Variants in CACNA1B observed in about 807,000 individuals in gnomAD.
CACNA1B encodes the protein voltage-dependent N-type calcium channel subunit alpha-1B.
A neutral mutation model predicts 247.2 loss-of-function variants in CACNA1B; 70 were observed. The ratio of observed to expected loss-of-function variants is 0.28; its 90% CI spans 0.23 to 0.35. The LOEUF is 0.35. CACNA1B is among the 10% of genes least tolerant of loss of function. The probability of loss-of-function intolerance (pLI) is 1.00; values close to 1 mark genes in which losing one functional copy is unlikely to be tolerated. For missense variants in CACNA1B, 2,367 were observed against 3,197.4 expected (o/e 0.74, Z 6.26); for synonymous variants, 1,231 against 1,294.4 (o/e 0.95, Z 1.05).
Position 138,071,429 on chromosome 9 carries a change from C to T in CACNA1B, c.4674+1666C>T, listed in dbSNP as rs149367753. 1.7e-3 allele frequency among the ~76,000 whole-genome samples: 260 copies of T among 152,280 alleles called. 1 individual carries two copies. The highest frequency in any genetic ancestry group is 5.4e-3 in the African/African-American group (223 of 41,550). On this transcript the variant is annotated intron_variant, in intron 32 of 46. Coordinates refer to ENST00000371372, the MANE Select transcript of CACNA1B (RefSeq NM_000718.4). ...GTGATGGTGCAGGTGCACGGCGTGG[C>T]GCTGCGTGTGCTTCTGTCCCTTGCT...
intron 15 of CACNA1B, among the ~76,000 whole-genome samples, chr9:137,999,167 T>C (rs1435327538): frequency 6.6e-6 from 1 of 151,748 alleles, no homozygotes; most frequent in Non-Finnish European, 1.5e-5. Flanking sequence ...AAATACAAAA[T>C]TTAGCCAGGT....
intron 32 of CACNA1B, among the ~76,000 whole-genome samples, chr9:138,071,537 G>A (rs1316652789): frequency 6.6e-6 from 1 of 152,206 alleles, no homozygotes; most frequent in Non-Finnish European, 1.5e-5. Flanking sequence ...TGTCTTCACA[G>A]CTCTCCAGGG....
At chr9:138,003,231 C>T (rs1341358977) in intron 15 of CACNA1B, among the ~76,000 whole-genome samples, 1 of 149,808 alleles carries the variant, frequency 6.7e-6, no homozygotes, top group Admixed American at 6.6e-5. Context: ...ATTGCCAAGG[C>T]TGGAGTACAG....
At chr9:137,911,190 T>TA (rs1957355883) in intron 3 of CACNA1B, among the ~76,000 whole-genome samples, 3 of 152,168 alleles carry the variant, frequency 2.0e-5, no homozygotes, top group African/African-American at 4.8e-5. Context: ...TTCTGGGTTA[T>TA]TATTCTATTC....
chr9:137,971,695 C>T lies in CACNA1B; in HGVS notation c.1543+103C>T. 2.1e-6 allele frequency: 2 copies of T among 951,360 alleles called. No individual in the cohort carries two copies. Among genetic ancestry groups the T allele is most frequent in the Non-Finnish European group, 1.6e-6 (1 of 624,000 alleles). 58.9% of individuals were successfully genotyped at this position (951,360 alleles called of 1,614,324 possible). A position where few individuals can be genotyped will look rare whatever the true frequency, so the allele number is the denominator to read the frequency against. On this transcript the variant is annotated intron_variant, in intron 11 of 46. Transcript: ENST00000371372. This position sits in a 1 kb window ranked among gnomAD's most constrained non-coding sequence, Gnocchi z 4.4. ...GGGCTACCCCAGGTGGGACGGGACC[C>T]ACCCCCATGTTGCTCAAAGTATCCC...
At position 138,057,712 on chromosome 9, in the gene CACNA1B, T is replaced by TC; in HGVS notation, c.3969-17dup. ...GATCTTTTGTCTTTGCCCTCTAACC[T>TC]CCCATGTTCTCATTCCTAGGGGTCA... On this transcript the variant is annotated intron_variant, in intron 26 of 46. Coordinates refer to ENST00000371372, the MANE Select transcript of CACNA1B (RefSeq NM_000718.4). This position sits in a 1 kb window ranked among gnomAD's most constrained non-coding sequence, Gnocchi z 4.0. 6.3e-7 allele frequency: 1 copy of TC among 1,590,350 alleles called. No individual in the cohort carries two copies. Among genetic ancestry groups the TC allele is most frequent in the East Asian group, 2.3e-5 (1 of 44,184 alleles).
intron 15 of CACNA1B, among the ~76,000 whole-genome samples, chr9:138,000,356 C>G (rs1021675343): frequency 1.3e-5 from 2 of 152,106 alleles, no homozygotes; most frequent in Non-Finnish European, 2.9e-5. Flanking sequence ...CCTTGGCCTC[C>G]CAAAGTGCTG....
chr9:137,946,450 T>C (rs1957797120), intron 6 of CACNA1B, among the ~76,000 whole-genome samples: 1 of 152,104 alleles, frequency 6.6e-6, no homozygotes. Flanking sequence ...TCAGGGAGTA[T>C]AACCAGGAAA....
intron 5 of CACNA1B, among the ~76,000 whole-genome samples, chr9:137,915,240 A>G (rs149191764): frequency 1.3e-5 from 2 of 152,230 alleles, no homozygotes; most frequent in Non-Finnish European, 2.9e-5. Flanking sequence ...TGTGGGCTTC[A>G]TGGCCCTGTC....
At chr9:137,931,923 C>T (rs1480313912) in intron 6 of CACNA1B, among the ~76,000 whole-genome samples, 3 of 152,130 alleles carry the variant, frequency 2.0e-5, no homozygotes, top group African/African-American at 4.8e-5. Context: ...CATTTCTGAC[C>T]AGGAGCCCCA....
rs773250670 is a variant in CACNA1B at position 137,974,435 on chromosome 9, A to G, written c.1544-1472A>G. On this transcript the variant is annotated intron_variant, in intron 11 of 46. Transcript: ENST00000371372. The surrounding 1 kb of genome is among the most constrained non-coding windows in gnomAD (Gnocchi z 4.5). Reference sequence around the variant, plus strand: ...AGGCTTGCTACAGGTGACTTGCTCCAAGGAACTGGTTGTCCATGTCCTCAG... The same window carrying G: ...AGGCTTGCTACAGGTGACTTGCTCCGAGGAACTGGTTGTCCATGTCCTCAG... Among the ~76,000 whole-genome samples the G allele has an allele frequency of 1.2e-4, 18 of 152,158 alleles. No individual in the cohort carries two copies. The highest frequency in any genetic ancestry group is 3.3e-4 in the Admixed American group (5 of 15,284).
In CACNA1B at chr9:137,957,957, GCTGT is replaced by G. The variant is rs1484508257; in HGVS notation, c.1333+271_1333+274del. Among the ~76,000 whole-genome samples, 1 of 152,160 alleles carries G rather than the reference GCTGT, an allele frequency of 6.6e-6. No homozygotes were observed. Among genetic ancestry groups the G allele is most frequent in the Non-Finnish European group, 1.5e-5 (1 of 68,024 alleles). On this transcript the variant is annotated intron_variant, in intron 10 of 46. Transcript: ENST00000371372. The surrounding 1 kb of genome is among the most constrained non-coding windows in gnomAD (Gnocchi z 4.7). ...ACTTTCTGGACCTGCTGCCTCTGAGGCTGTTGTGTCATCCCCTACCTCTCAAATA... is the reference window on the plus strand; with the variant it reads ...ACTTTCTGGACCTGCTGCCTCTGAGGTGTGTCATCCCCTACCTCTCAAATA...
chr9:138,035,174 G>A (rs1354437698), intron 20 of CACNA1B, among the ~76,000 whole-genome samples: 2 of 152,210 alleles, frequency 1.3e-5, no homozygotes, highest in African/African-American at 2.4e-5. Context: ...AAAGATGACC[G>A]CTGGCCGGGC....
Position 138,076,853 on chromosome 9 carries a change from C to T in CACNA1B, c.4949+943C>T, listed in dbSNP as rs1032219812. 5.9e-5 allele frequency among the ~76,000 whole-genome samples: 9 copies of T among 152,224 alleles called. No homozygotes were observed. In the South Asian group the frequency reaches 1.7e-3, roughly 28 times the overall value. ...GCGCTGGGGCGAGCTCAGACCCAGACCTGCTTTGCTGAGCTGCCTGGAGAG... is the reference window on the plus strand; with the variant it reads ...GCGCTGGGGCGAGCTCAGACCCAGATCTGCTTTGCTGAGCTGCCTGGAGAG... On this transcript the variant is annotated intron_variant, in intron 35 of 46. Transcript: ENST00000371372.
In CACNA1B at chr9:137,880,413, G is replaced by A. The variant is rs1956901391; in HGVS notation, c.390+1254G>A. The stretch of plus-strand genomic sequence containing the variant: ...CCATTGCTTTCTGGAGGCTGGAGAA[G>A]AGGGTGAGCTTGAGAGGAAACAGGC... On this transcript the variant is annotated intron_variant, in intron 2 of 46. Transcript: ENST00000371372. This position sits in a 1 kb window ranked among gnomAD's most constrained non-coding sequence, Gnocchi z 4.8. Among the ~76,000 whole-genome samples the A allele has an allele frequency of 6.6e-6, 1 of 152,130 alleles. No individual in the cohort carries two copies.
chr9:138,021,937 T>C (rs1958850346), intron 18 of CACNA1B, among the ~76,000 whole-genome samples: 1 of 152,172 alleles, frequency 6.6e-6, no homozygotes, highest in South Asian at 2.1e-4. Flanking sequence ...TCAGATGAGG[T>C]TTCTCCCTGG....
chr9:137,906,248 T>C (rs1183064240), intron 3 of CACNA1B, among the ~76,000 whole-genome samples: 2 of 152,248 alleles, frequency 1.3e-5, no homozygotes, highest in African/African-American at 4.8e-5. Context: ...GTCTTTCATG[T>C]CTTTGGCTTG....
Position 137,957,710 on chromosome 9 carries a change from A to T in CACNA1B, c.1333+23A>T, listed in dbSNP as rs1172104248. On this transcript the variant is annotated intron_variant, in intron 10 of 46. Transcript: ENST00000371372. The surrounding 1 kb of genome is among the most constrained non-coding windows in gnomAD (Gnocchi z 4.7). ...TTGGTGAGTCTCAGGGTGTCCCTCCAGCTCTGCCAGGCTTGAGCTGGACAT... is the reference window on the plus strand; with the variant it reads ...TTGGTGAGTCTCAGGGTGTCCCTCCTGCTCTGCCAGGCTTGAGCTGGACAT... 1.3e-6 allele frequency: 2 copies of T among 1,521,798 alleles called. No individual in the cohort carries two copies. Among genetic ancestry groups the T allele is most frequent in the South Asian group, 2.4e-5 (2 of 81,698 alleles). 94.3% of individuals were successfully genotyped at this position (1,521,798 alleles called of 1,614,324 possible).
Position 138,023,438 on chromosome 9 carries a change from C to T in CACNA1B, c.2695C>T (p.Pro899Ser), listed in dbSNP as rs1049241084. The change falls in exon 19 of 47, where the codon CCC becomes TCC. Residue 899 changes from proline to serine, a missense_variant. This residue lies in a region of CACNA1B where 631 missense variants were observed against 631.1 expected (regional missense o/e 1.00). Transcript: ENST00000371372. ...CAGCCACAGCAAGGAGGCCGCGGGG[C>T]CCCCGGAGGCGCGGAGCGAGCGCGG... ...HRSHSKEAAG[P>S]PEARSERGRG... 1.4e-5 allele frequency: 18 copies of T among 1,251,538 alleles called. No homozygotes were observed. In the South Asian group the frequency reaches 4.9e-4, roughly 34 times the overall value. The allele number at this position is 1,251,538 out of a possible 1,614,324, so 77.5% of individuals were successfully genotyped here.
Sources: gnomAD v4.1 joint callset for allele counts (sites outside exome capture counted in the v4.1 genomes callset) on GRCh38, gnomAD v4.1.1 for gene constraint, gnomAD v4.1.1 regional missense constraint, Gnocchi (gnomAD v3.1) non-coding constraint, MANE v1.5 for transcripts, NCBI Gene and HGNC (gene_info 2026-07-23, HGNC 2026-07-21) for gene names.